The following MMP25 variants were observed in gnomAD, a reference collection of about 807,000 sequenced individuals.
MMP25 encodes matrix metalloproteinase-25.
A neutral mutation model predicts 62.1 loss-of-function variants in MMP25; 68 were observed. That is an observed-to-expected ratio of 1.10 (90% CI 0.90 to 1.34). The LOEUF is 1.34. MMP25 is among the 40% of genes most tolerant of loss of function. MMP25 has a pLI of 0.00. For missense variants in MMP25, 942 were observed against 792.5 expected, an observed-to-expected ratio of 1.19 and a Z score of -2.26; for synonymous variants, 407 against 345.6, an observed-to-expected ratio of 1.18 and a Z score of -1.97.
In MMP25 at chr16:3,059,207, G is replaced by GGA; in HGVS notation, c.*109_*110insGA. The GGA allele has an allele frequency of 7.6e-7, 1 of 1,311,718 alleles. No homozygotes were observed. The highest frequency in any genetic ancestry group is 1.0e-6 in the Non-Finnish European group (1 of 996,538). 81.3% of individuals were successfully genotyped at this position (1,311,718 alleles called of 1,614,324 possible). A position where few individuals can be genotyped will look rare whatever the true frequency, so the allele number is the denominator to read the frequency against. On this transcript the variant is annotated 3_prime_UTR_variant, in exon 10 of 10. Coordinates refer to ENST00000336577, the MANE Select transcript of MMP25 (RefSeq NM_022468.5). The stretch of plus-strand genomic sequence containing the variant: ...CGGAGGCCCCTTGTCTGTTCCCACG[G>GGA]ACGGGGGCTCGGGCGCGGACTAAGC...
At chr16:3,056,765 C>T in intron 4 of MMP25, 1 of 397,202 alleles carries the variant, frequency 2.5e-6, no homozygotes, top group Non-Finnish European at 4.5e-6. Context: ...AGAGGAGGGG[C>T]CCCATCGGTG....
Position 3,058,854 on chromosome 16 carries a change from A to C in MMP25, c.1445A>C (p.His482Pro). The C allele has an allele frequency of 6.5e-7, 1 of 1,534,620 alleles. No individual in the cohort carries two copies. The highest frequency in any genetic ancestry group is 8.8e-7 in the Non-Finnish European group (1 of 1,137,952). Residue 482 changes from histidine (H) to proline (P), a missense_variant, in exon 10 of 10, where the codon CAC becomes CCC. By Grantham distance (77) the His-to-Pro change is moderately conservative (BLOSUM62 -2). Transcript: ENST00000336577. Reference protein sequence around the residue: ...AGDTYFFKGAHYWRFPKNSIK... With the variant: ...AGDTYFFKGAPYWRFPKNSIK... ...GACACCTACTTCTTCAAGGGCGCCC[A>C]CTACTGGCGCTTCCCCAAGAACAGC...
At chr16:3,055,337 A>C (rs554718958) in intron 4 of MMP25, among the ~76,000 whole-genome samples, 1 of 152,278 alleles carries the variant, frequency 6.6e-6, no homozygotes, top group South Asian at 2.1e-4. Context: ...GCAGGGAAGA[A>C]GGTGAGAGAT....
intron 2 of MMP25, among the ~76,000 whole-genome samples, 159 bp downstream of exon 2, chr16:3,047,706 G>A (rs1419432939): frequency 1.3e-5 from 2 of 152,140 alleles, no homozygotes; most frequent in Non-Finnish European, 2.9e-5. Flanking sequence ...CTTTCCATAA[G>A]CATTTATCAA....
intron 4 of MMP25, chr16:3,053,545 C>G (rs570213145): frequency 1.3e-5 from 2 of 152,242 alleles, no homozygotes; most frequent in African/African-American, 2.4e-5. Context: ...GGGCCGCATA[C>G]TGTGCATTGT....
intron 4 of MMP25, chr16:3,055,984 G>C (rs1305536925): frequency 4.4e-6 from 2 of 454,706 alleles, no homozygotes. Context: ...AAGGCCGGGT[G>C]CTGGGGCCGG....
rs181894590 is a variant in MMP25 at position 3,050,109 on chromosome 16, C to T, written c.333C>T (p.Ser111=). Residue 111 remains serine (S), a synonymous_variant, in exon 3 of 10, where the codon AGC becomes AGT. Transcript: ENST00000336577. The stretch of plus-strand genomic sequence containing the variant: ...GGCGGCGTCGCCGGTACGCTCTGAG[C>T]GGCAGCGTGTGGAAGAAGCGAACCC... The part of the protein sequence containing the change: ...LVRRRRRYAL[S]GSVWKKRTLT... 1.1e-4 allele frequency: 171 copies of T among 1,609,364 alleles called. No homozygotes were observed. In the East Asian group the frequency reaches 1.7e-3, roughly 16 times the overall value.
chr16:3,047,277 G>T, intron 1 of MMP25, 138 bp from the exon 2 acceptor site: 3 of 1,317,576 alleles, frequency 2.3e-6, no homozygotes, highest in African/African-American at 1.5e-5. Flanking sequence ...GACCTATGGA[G>T]GGGAGCAGGC....
chr16:3,049,110 G>A (rs1023021416), intron 2 of MMP25, among the ~76,000 whole-genome samples: 5 of 151,826 alleles, frequency 3.3e-5, no homozygotes, highest in African/African-American at 1.2e-4. Context: ...GCCCGGCTTT[G>A]ACTTGCAGTT....
chr16:3,057,160 C>A lies in MMP25; in HGVS notation c.789C>A (p.Asp263Glu), dbSNP rs915980854. Residue 263 changes from aspartate to glutamate, a missense_variant, in exon 5 of 10, where the codon GAC becomes GAA. Physicochemically the swap from Asp to Glu is conservative, Grantham distance 45. Coordinates refer to ENST00000336577, the MANE Select transcript of MMP25 (RefSeq NM_022468.5). ...PFYQGPVGDP[D>E]KYRLSQDDRD... ...ACCAGGGTCCGGTGGGCGACCCTGA[C>A]AAGTACCGCCTGTCTCAGGATGACC... 6.2e-7 allele frequency: 1 copy of A among 1,612,986 alleles called. No individual in the cohort carries two copies.
chr16:3,049,895 A>G, intron 2 of MMP25, 114 bp from the exon 3 acceptor site: 1 of 1,513,314 alleles, frequency 6.6e-7, no homozygotes, highest in South Asian at 1.1e-5. Context: ...TCGAGGGCAC[A>G]TTTCTTGAGC....
At chr16:3,054,343 G>A (rs1473756165) in intron 4 of MMP25, 2 of 147,832 alleles carry the variant, frequency 1.4e-5, no homozygotes, top group Non-Finnish European at 3.0e-5. Flanking sequence ...CATGCACAGA[G>A]GTGGGGATGG....
At chr16:3,057,239 A>G (rs1956027501) in intron 5 of MMP25, 30 bp downstream of exon 5, 3 of 1,613,688 alleles carry the variant, frequency 1.9e-6, no homozygotes, top group Admixed American at 1.7e-5. Context: ...CCGCGAAACC[A>G]TCATTGCCCC....
chr16:3,047,671 A>C, intron 2 of MMP25, 124 bp downstream of exon 2: 1 of 1,071,080 alleles, frequency 9.3e-7, no homozygotes, highest in Non-Finnish European at 1.3e-6. Context: ...TCAGGCCCCA[A>C]ACCCAGAGGG....
rs556019849 is a variant in MMP25, at chr16:3,050,045, G to A, written c.269G>A (p.Cys90Tyr). 1.9e-6 allele frequency: 3 copies of A among 1,610,824 alleles called. No individual in the cohort carries two copies. The highest frequency in any genetic ancestry group is 2.2e-5 in the East Asian group (1 of 44,880). ...GTGGCCACCATGCGTAAGCCCCGCT[G>A]CTCCCTGCCTGACGTGCTGGGGGTG... Reference protein sequence around the residue: ...GTVATMRKPRCSLPDVLGVAG... With the variant: ...GTVATMRKPRYSLPDVLGVAG... The change falls in exon 3 of 10, where the codon TGC becomes TAC. Residue 90 changes from cysteine to tyrosine, a missense_variant. By Grantham distance (194) the Cys-to-Tyr change is radical. Coordinates refer to ENST00000336577, the MANE Select transcript of MMP25 (RefSeq NM_022468.5).
At position 3,050,150 on chromosome 16, in the gene MMP25, T is replaced by TC; in HGVS notation, c.368+8dup. 6.2e-7 allele frequency: 1 copy of TC among 1,601,110 alleles called. No homozygotes were observed. The highest frequency in any genetic ancestry group is 8.5e-7 in the Non-Finnish European group (1 of 1,170,624). On this transcript the variant is annotated splice_region_variant and intron_variant, in intron 3 of 9. Transcript: ENST00000336577. ...AAGCGAACCCTGACATGGAGGTAGG[T>TC]CCTGGGGCCCACCCGCACCCTGGCC...
In MMP25 at chr16:3,050,470, C is replaced by A. The variant is rs745461164; in HGVS notation, c.585C>A (p.Ala195=). ...GGTTGGGGGGCACCCTAGCCCATGCCTTCTTCCCTGGGGAGCACCCCATCT... is the reference window on the plus strand; with the variant it reads ...GGTTGGGGGGCACCCTAGCCCATGCATTCTTCCCTGGGGAGCACCCCATCT... ...FDGLGGTLAH[A]FFPGEHPISG... Residue 195 remains alanine (A), a synonymous_variant, in exon 4 of 10, where the codon GCC becomes GCA. Coordinates refer to ENST00000336577, the MANE Select transcript of MMP25 (RefSeq NM_022468.5). 6.2e-7 allele frequency: 1 copy of A among 1,611,894 alleles called. No individual in the cohort carries two copies. The highest frequency in any genetic ancestry group is 8.5e-7 in the Non-Finnish European group (1 of 1,178,730).
Position 3,058,483 on chromosome 16 carries a change from C to T in MMP25, c.1231C>T (p.Pro411Ser), listed in dbSNP as rs573486213. 3.1e-5 allele frequency: 50 copies of T among 1,606,060 alleles called. 1 individual carries two copies. In the South Asian group the frequency reaches 5.0e-4, roughly 16 times the overall value. Residue 411 changes from proline (P) to serine (S), a missense_variant, in exon 9 of 10, where the codon CCC (proline) becomes TCC (serine). Physicochemically the swap from Pro to Ser is moderately conservative, Grantham distance 74. Coordinates refer to ENST00000336577, the MANE Select transcript of MMP25 (RefSeq NM_022468.5). ...GCGGCCGCTCACGGAGCTGGGGCTGCCCCCGGGAGAGGAGGTGGACGCCGT... is the reference window on the plus strand; with the variant it reads ...GCGGCCGCTCACGGAGCTGGGGCTGTCCCCGGGAGAGGAGGTGGACGCCGT... ...GARPLTELGL[P>S]PGEEVDAVFS...
At position 3,046,819 on chromosome 16, in the gene MMP25, C is replaced by T. The variant is rs1161871910; in HGVS notation, c.-99C>T. The T allele has an allele frequency of 6.5e-6, 4 of 612,772 alleles. No homozygotes were observed. The highest frequency in any genetic ancestry group is 8.7e-5 in the Admixed American group (2 of 22,884). 38.0% of individuals were successfully genotyped at this position (612,772 alleles called of 1,614,324 possible). The stretch of plus-strand genomic sequence containing the variant: ...CCTCCCTACTCGGTGCCGGGTGCCC[C>T]CCGCCCTCTCCAGGCCCGGATCTCC... On this transcript the variant is annotated 5_prime_UTR_variant, in exon 1 of 10. Transcript: ENST00000336577.
Sources: allele counts gnomAD v4.1 joint callset (sites outside exome capture counted in the v4.1 genomes callset), GRCh38; gene constraint gnomAD v4.1.1; transcripts MANE v1.5; gene names NCBI Gene and HGNC (gene_info 2026-07-23, HGNC 2026-07-21).